The following CTNNBIP1 variants were observed in gnomAD, a reference collection of about 807,000 sequenced individuals.
The protein encoded by CTNNBIP1 is beta-catenin-interacting protein 1.
Under a neutral mutation model 11.8 loss-of-function variants are expected in CTNNBIP1, and 7 were observed. The ratio of observed to expected loss-of-function variants is 0.60; its 90% CI spans 0.34 to 1.12. The LOEUF (loss-of-function observed/expected upper bound fraction) is 1.12, where lower values mean the gene tolerates loss of function less well. Among genes scored for constraint, CTNNBIP1 ranks in the 50% most tolerant of loss-of-function variants. CTNNBIP1 has a pLI of 0.03. For missense variants in CTNNBIP1, 101 were observed against 113.4 expected (o/e 0.89, Z 0.50); for synonymous variants, 58 against 43.9 (o/e 1.32, Z -1.26).
Position 9,872,158 on chromosome 1 carries a change from T to A in CTNNBIP1, c.-24-70A>T. 1 of 936,270 alleles carries A rather than the reference T, an allele frequency of 1.1e-6. No individual in the cohort carries two copies. Among genetic ancestry groups the A allele is most frequent in the Non-Finnish European group, 1.7e-6 (1 of 585,384 alleles). 58.0% of individuals were successfully genotyped at this position (936,270 alleles called of 1,614,324 possible). ...GACATACTGGGACAATGACACCTGC[T>A]AGTGACCCTCACTCCTCCCAGGAGC... is the stretch of plus-strand genomic sequence containing the variant. On this transcript the variant is annotated intron_variant, in intron 3 of 5. Coordinates refer to ENST00000377263, the MANE Select transcript of CTNNBIP1 (RefSeq NM_020248.3). This position sits in a 1 kb window ranked among gnomAD's most constrained non-coding sequence, Gnocchi z 4.0.
intron 5 of CTNNBIP1, among the ~76,000 whole-genome samples, chr1:9,869,899 A>AGG (rs1266508823): frequency 1.3e-5 from 2 of 152,242 alleles, no homozygotes; most frequent in Non-Finnish European, 2.9e-5. Flanking sequence ...AAGAGATCCC[A>AGG]GGATGGGGCG....
chr1:9,902,774 C>CT (rs1032838898), intron 1 of CTNNBIP1, among the ~76,000 whole-genome samples: 10 of 145,144 alleles, frequency 6.9e-5, no homozygotes, highest in Non-Finnish European at 1.1e-4. Flanking sequence ...TTTTTTTTTT[C>CT]TTTTTTTTTG....
At chr1:9,884,120 G>A (rs577519384) in intron 1 of CTNNBIP1, among the ~76,000 whole-genome samples, 1 of 152,276 alleles carries the variant, frequency 6.6e-6, no homozygotes, top group East Asian at 1.9e-4. Flanking sequence ...CCTGTAGGCA[G>A]AGCCGGGGTA....
At chr1:9,868,623 A>AATT (rs199911299) in intron 5 of CTNNBIP1, among the ~76,000 whole-genome samples, 1 of 152,106 alleles carries the variant, frequency 6.6e-6, no homozygotes, top group Non-Finnish European at 1.5e-5. Flanking sequence ...ATCCCCTAAC[A>AATT]ATTATTATTA....
chr1:9,857,426 G>A lies in CTNNBIP1; in HGVS notation c.188-6650C>T, dbSNP rs144672485. On this transcript the variant is annotated intron_variant, in intron 5 of 5. Transcript: ENST00000377263. Reference sequence around the variant, plus strand: ...GAATGGCGTGAACCCGGGAGGCAGAGCTTGTAGTGAGCTGAGATAGCACCG... The same window carrying A: ...GAATGGCGTGAACCCGGGAGGCAGAACTTGTAGTGAGCTGAGATAGCACCG... Among the ~76,000 whole-genome samples the A allele has an allele frequency of 1.9e-3, 286 of 150,444 alleles. 2 individuals are homozygous for A. Among genetic ancestry groups the A allele is most frequent in the African/African-American group, 6.5e-3 (264 of 40,746 alleles).
chr1:9,900,097 A>G (rs949762180), intron 1 of CTNNBIP1, among the ~76,000 whole-genome samples: 22 of 151,308 alleles, frequency 1.5e-4, no homozygotes, highest in Non-Finnish European at 2.9e-5. Context: ...AATCAATAGA[A>G]TGCCATTAAA....
chr1:9,871,354 G>A lies in CTNNBIP1; in HGVS notation c.97-77C>T, dbSNP rs1480220668. ...AGGCACCTGCACCCCTAGAGGCACC[G>A]CCTAGGCCTGCTTGGTCCCTGCTTG... is the stretch of plus-strand genomic sequence containing the variant. On this transcript the variant is annotated intron_variant, in intron 4 of 5. Transcript: ENST00000377263. The surrounding 1 kb of genome is among the most constrained non-coding windows in gnomAD (Gnocchi z 5.2). 18 of 1,067,266 alleles carry A rather than the reference G, an allele frequency of 1.7e-5. No homozygotes were observed. Among genetic ancestry groups the A allele is most frequent in the Non-Finnish European group, 2.2e-5 (16 of 717,442 alleles). 66.1% of individuals were successfully genotyped at this position (1,067,266 alleles called of 1,614,324 possible). A position where few individuals can be genotyped will look rare whatever the true frequency, so the allele number is the denominator to read the frequency against.
chr1:9,866,570 C>T (rs897235831), intron 5 of CTNNBIP1, among the ~76,000 whole-genome samples: 2 of 151,788 alleles, frequency 1.3e-5, no homozygotes, highest in Non-Finnish European at 2.9e-5. Context: ...ACCCCAGCTA[C>T]TCGGGAGGCT....
At chr1:9,906,288 T>C (rs1014500116) in intron 1 of CTNNBIP1, among the ~76,000 whole-genome samples, 1 of 152,212 alleles carries the variant, frequency 6.6e-6, no homozygotes, top group African/African-American at 2.4e-5. Context: ...CCAGGCACGG[T>C]GGCTCACGCC....
chr1:9,870,129 G>A (rs150358472), intron 5 of CTNNBIP1, among the ~76,000 whole-genome samples: 24 of 152,366 alleles, frequency 1.6e-4, no homozygotes, highest in Admixed American at 2.0e-4. Context: ...AGACATCCAG[G>A]AGAACAAGGG....
At chr1:9,892,805 A>G (rs1639335906) in intron 1 of CTNNBIP1, among the ~76,000 whole-genome samples, 1 of 152,152 alleles carries the variant, frequency 6.6e-6, no homozygotes, top group African/African-American at 2.4e-5. Context: ...TCTACTAAGC[A>G]GGAGGCGACC....
intron 1 of CTNNBIP1, among the ~76,000 whole-genome samples, chr1:9,887,350 C>T (rs142636858): frequency 2.1e-3 from 326 of 152,360 alleles, no homozygotes; most frequent in Non-Finnish European, 3.7e-3. Flanking sequence ...CAAGGCCATG[C>T]TTTCCCTCTC....
At chr1:9,861,716 A>T (rs1357925802) in intron 5 of CTNNBIP1, among the ~76,000 whole-genome samples, 1 of 152,160 alleles carries the variant, frequency 6.6e-6, no homozygotes, top group African/African-American at 2.4e-5. Flanking sequence ...AACAGCCAAA[A>T]AGAGCTCAGG....
intron 5 of CTNNBIP1, 91 bp from the exon 6 acceptor site, chr1:9,850,867 C>G: frequency 8.4e-7 from 1 of 1,193,206 alleles, no homozygotes; most frequent in South Asian, 1.2e-5. Context: ...AGCTGGAGCC[C>G]CCGCCCACCA....
rs962709215 is a variant in CTNNBIP1, at chr1:9,875,509, C to T, written c.-25+2396G>A. Among the ~76,000 whole-genome samples, 10 of 152,340 alleles carry T rather than the reference C, an allele frequency of 6.6e-5. No homozygotes were observed. The East Asian group carries it at 1.9e-3, about 29-fold the overall frequency. The stretch of plus-strand genomic sequence containing the variant: ...CCCGGCTGGTGCAGCCTCGCCGTCC[C>T]GGGGACACCTCACACTGGGATTCCT... On this transcript the variant is annotated intron_variant, in intron 3 of 5. Coordinates refer to ENST00000377263, the MANE Select transcript of CTNNBIP1 (RefSeq NM_020248.3).
At chr1:9,881,161 G>C (rs777969254) in intron 2 of CTNNBIP1, among the ~76,000 whole-genome samples, 1 of 151,542 alleles carries the variant, frequency 6.6e-6, no homozygotes, top group Non-Finnish European at 1.5e-5. Context: ...TCAGCCTCCT[G>C]CATGGCTGAA....
At chr1:9,859,229 C>T (rs758821121) in intron 5 of CTNNBIP1, among the ~76,000 whole-genome samples, 1 of 152,242 alleles carries the variant, frequency 6.6e-6, no homozygotes. Flanking sequence ...AGGGCCAGGA[C>T]ACTGGCAAAG....
chr1:9,888,934 T>G (rs1639242104), intron 1 of CTNNBIP1, among the ~76,000 whole-genome samples: 1 of 152,212 alleles, frequency 6.6e-6, no homozygotes, highest in Non-Finnish European at 1.5e-5. Flanking sequence ...AGCCCCGCAA[T>G]GGCCAGAATG....
chr1:9,855,890 G>T (rs1019108980), intron 5 of CTNNBIP1, among the ~76,000 whole-genome samples: 1 of 151,962 alleles, frequency 6.6e-6, no homozygotes, highest in Non-Finnish European at 1.5e-5. Flanking sequence ...GCTACACTCG[G>T]CTAATTAATT....
Sources: gnomAD v4.1 joint callset for allele counts (sites outside exome capture counted in the v4.1 genomes callset) on GRCh38, gnomAD v4.1.1 for gene constraint, Gnocchi (gnomAD v3.1) non-coding constraint, MANE v1.5 for transcripts, NCBI Gene and HGNC (gene_info 2026-07-23, HGNC 2026-07-21) for gene names.